The following CCDC152 variants were observed in gnomAD, a reference collection of about 807,000 sequenced individuals.
CCDC152 encodes the protein coiled-coil domain containing 152, also known as coiled-coil domain-containing protein 152.
In CCDC152, 37 loss-of-function variants were observed where a neutral mutation model predicts 38.1. The observed-to-expected ratio is 0.97, with a 90% confidence interval of 0.75 to 1.28. The LOEUF (loss-of-function observed/expected upper bound fraction) is 1.28, where lower values mean the gene tolerates loss of function less well. Ranked by LOEUF, CCDC152 falls within the 50% of genes most tolerant of loss-of-function variation. The probability of loss-of-function intolerance (pLI) is 0.00; values close to 1 mark genes in which losing one functional copy is unlikely to be tolerated. For synonymous variants in CCDC152, 83 were observed against 87.1 expected, an observed-to-expected ratio of 0.95 and a Z score of 0.26; for missense variants, 259 against 292.1, an observed-to-expected ratio of 0.89 and a Z score of 0.83.
chr5:42,792,744 C>T (rs1760021187), intron 6 of CCDC152, among the ~76,000 whole-genome samples: 1 of 152,156 alleles, frequency 6.6e-6, no homozygotes, highest in African/African-American at 2.4e-5. Context: ...TAGACATCTC[C>T]CAGAATTGGC....
intron 4 of CCDC152, among the ~76,000 whole-genome samples, chr5:42,770,696 C>T (rs897420317): frequency 8.6e-5 from 13 of 152,010 alleles, no homozygotes; most frequent in African/African-American, 2.4e-4. Context: ...ATTTTGATAG[C>T]GATTGCATTA....
intron 3 of CCDC152, among the ~76,000 whole-genome samples, chr5:42,766,765 G>A (rs560074553): frequency 6.6e-6 from 1 of 151,400 alleles, no homozygotes; most frequent in African/African-American, 2.4e-5. Context: ...GCTGGGAAGG[G>A]TAGTGGGGGG....
At chr5:42,758,580 A>T (rs1170281142) in intron 1 of CCDC152, among the ~76,000 whole-genome samples, 1 of 152,226 alleles carries the variant, frequency 6.6e-6, no homozygotes, top group Non-Finnish European at 1.5e-5. Flanking sequence ...AGAAGTTCTT[A>T]TGATTGATTT....
At position 42,778,182 on chromosome 5, in the gene CCDC152, A is replaced by G. The variant is rs142108000; in HGVS notation, c.263-1276A>G. On this transcript the variant is annotated intron_variant, in intron 4 of 8. Coordinates refer to ENST00000361970, the MANE Select transcript of CCDC152 (RefSeq NM_001134848.2). The stretch of plus-strand genomic sequence containing the variant: ...CCACAATTAACAACAAAATAGCTAC[A>G]TATTTCCATATTCTAGTGACATCTG... Among the ~76,000 whole-genome samples, 181 of 152,356 alleles carry G rather than the reference A, an allele frequency of 1.2e-3. 1 individual carries two copies. The highest frequency in any genetic ancestry group is 3.8e-3 in the African/African-American group (158 of 41,586).
At chr5:42,779,328 C>G (rs1759811342) in intron 4 of CCDC152, 130 bp from the exon 5 acceptor site, 3 of 642,528 alleles carry the variant, frequency 4.7e-6, no homozygotes, top group Non-Finnish European at 5.7e-6. Flanking sequence ...AGCATGGTGC[C>G]TGAAGTGTAG....
At chr5:42,776,130 T>G (rs994906971) in intron 4 of CCDC152, among the ~76,000 whole-genome samples, 4 of 152,026 alleles carry the variant, frequency 2.6e-5, no homozygotes, top group Admixed American at 1.3e-4. Context: ...AATAGCCTAA[T>G]ACAGTTTACA....
intron 1 of CCDC152, among the ~76,000 whole-genome samples, chr5:42,757,938 G>A (rs1301464378): frequency 6.6e-6 from 1 of 151,840 alleles, no homozygotes; most frequent in African/African-American, 2.4e-5. Flanking sequence ...TTACTATGTA[G>A]CACTATTAAA....
At chr5:42,766,957 A>C (rs1333375620) in intron 3 of CCDC152, among the ~76,000 whole-genome samples, 4 of 152,146 alleles carry the variant, frequency 2.6e-5, no homozygotes, top group Admixed American at 1.3e-4. Flanking sequence ...GAGGGGATAG[A>C]TACGCCATTC....
intron 1 of CCDC152, among the ~76,000 whole-genome samples, chr5:42,757,892 G>C (rs6869224): frequency 1.3e-5 from 2 of 151,866 alleles, no homozygotes; most frequent in Admixed American, 6.6e-5. Flanking sequence ...AAAAAAAAAG[G>C]TGGGGGTGGA....
At chr5:42,777,418 C>T (rs1006055761) in intron 4 of CCDC152, among the ~76,000 whole-genome samples, 6 of 151,026 alleles carry the variant, frequency 4.0e-5, no homozygotes, top group African/African-American at 7.3e-5. Context: ...GCTAAGATCG[C>T]GCCATCGCAC....
intron 3 of CCDC152, among the ~76,000 whole-genome samples, chr5:42,768,922 T>C (rs944052619): frequency 6.6e-6 from 1 of 152,140 alleles, no homozygotes; most frequent in Non-Finnish European, 1.5e-5. Context: ...ATTACCAAGT[T>C]TTGAAATTCA....
At chr5:42,798,795 T>A (rs1170906891) in intron 7 of CCDC152, among the ~76,000 whole-genome samples, 2 of 149,624 alleles carry the variant, frequency 1.3e-5, no homozygotes, top group Admixed American at 6.8e-5. Context: ...CAAAAAAAAA[T>A]TGGCCTGTTA....
At chr5:42,782,199 T>C (rs1445697072) in intron 5 of CCDC152, among the ~76,000 whole-genome samples, 4 of 152,180 alleles carry the variant, frequency 2.6e-5, no homozygotes, top group African/African-American at 9.7e-5. Flanking sequence ...TATATAATTT[T>C]TGGAAACAGA....
Position 42,800,763 on chromosome 5 carries a change from C to T in CCDC152, c.*982C>T, listed in dbSNP as rs369047140. 1.1e-5 allele frequency: 17 copies of T among 1,611,594 alleles called. No homozygotes were observed. Among genetic ancestry groups the T allele is most frequent in the Middle Eastern group, 1.7e-4 (1 of 6,042 alleles). ...TCACTTTTTTGCCTGATTCTTTCAG[C>T]GTCAACTGGCACTGGCTTCTGTGGG... On this transcript the variant is annotated 3_prime_UTR_variant, in exon 9 of 9. Transcript: ENST00000361970.
rs144495129 is a variant in CCDC152 at position 42,797,955 on chromosome 5, C to T, written c.558+999C>T. On this transcript the variant is annotated intron_variant, in intron 7 of 8. Coordinates refer to ENST00000361970, the MANE Select transcript of CCDC152 (RefSeq NM_001134848.2). ...CTAAGGTCAGGAGTTCGAGACCAAC[C>T]AGGCCAACGTGGTGAAACCCGCCTG... is the stretch of plus-strand genomic sequence containing the variant. Among the ~76,000 whole-genome samples the T allele has an allele frequency of 2.1e-3, 324 of 152,038 alleles. 1 individual carries two copies. Among genetic ancestry groups the T allele is most frequent in the African/African-American group, 7.4e-3 (307 of 41,446 alleles).
At chr5:42,783,146 A>G (rs1759871200) in intron 5 of CCDC152, among the ~76,000 whole-genome samples, 4 of 152,152 alleles carry the variant, frequency 2.6e-5, no homozygotes, top group Admixed American at 2.6e-4. Flanking sequence ...CTGGGATTAC[A>G]AGCGTGAGCC....
intron 6 of CCDC152, among the ~76,000 whole-genome samples, chr5:42,785,313 C>A (rs1293046793): frequency 6.6e-6 from 1 of 151,978 alleles, no homozygotes. Context: ...GGTTTTTCAT[C>A]TTCTTTGTTA....
intron 5 of CCDC152, 63 bp from the exon 6 acceptor site, chr5:42,783,411 A>G (rs1759874945): frequency 5.0e-6 from 3 of 601,462 alleles, no homozygotes; most frequent in Non-Finnish European, 6.7e-6. Context: ...TCACCTTTCT[A>G]GGAATCAGAA....
At chr5:42,795,872 A>G (rs1040979111) in intron 6 of CCDC152, among the ~76,000 whole-genome samples, 8 of 151,892 alleles carry the variant, frequency 5.3e-5, no homozygotes, top group Non-Finnish European at 1.2e-4. Context: ...TGGATTAAGA[A>G]AATGTGGCAC....
Sources: allele counts gnomAD v4.1 joint callset (sites outside exome capture counted in the v4.1 genomes callset), GRCh38; gene constraint gnomAD v4.1.1; transcripts MANE v1.5; gene names NCBI Gene and HGNC (gene_info 2026-07-23, HGNC 2026-07-21).